CIAO1: variants seen among roughly 807,000 people sequenced by gnomAD.
CIAO1 encodes cytosolic iron-sulfur assembly component 1, also known as probable cytosolic iron-sulfur protein assembly protein CIAO1.
In CIAO1, 32 loss-of-function variants were observed where a neutral mutation model predicts 43.1. That is an observed-to-expected ratio of 0.74 (90% CI 0.56 to 1.00). The LOEUF (loss-of-function observed/expected upper bound fraction) is 1.00, where lower values mean the gene tolerates loss of function less well. Ranked by LOEUF, CIAO1 falls within the 50% of genes least tolerant of loss-of-function variation. CIAO1 has a pLI of 0.00. For missense variants in CIAO1, 415 were observed against 437.4 expected, an observed-to-expected ratio of 0.95 and a Z score of 0.46; for synonymous variants, 183 against 171.4, an observed-to-expected ratio of 1.07 and a Z score of -0.53.
In CIAO1 at chr2:96,271,870, A is replaced by AG. The variant is rs1684558030; in HGVS notation, c.*523dup. The AG allele has an allele frequency of 6.4e-6, 1 of 155,160 alleles. No homozygotes were observed. Among genetic ancestry groups the AG allele is most frequent in the Admixed American group, 6.3e-5 (1 of 15,854 alleles). The allele number at this position is 155,160 out of a possible 1,614,324, so 9.6% of individuals were successfully genotyped here. A position where few individuals can be genotyped will look rare whatever the true frequency, so the allele number is the denominator to read the frequency against. ...TTTTTTCTGAATGTAGGTTTGAGTGAGGGGCACCTCTGCTTTCCCTTAGCA... is the reference window on the plus strand; with the variant it reads ...TTTTTTCTGAATGTAGGTTTGAGTGAGGGGGCACCTCTGCTTTCCCTTAGCA... On this transcript the variant is annotated 3_prime_UTR_variant, in exon 7 of 7. Coordinates refer to ENST00000488633, the MANE Select transcript of CIAO1 (RefSeq NM_004804.3).
At position 96,272,777 on chromosome 2, in the gene CIAO1, T is replaced by C. The variant is rs1043833775; in HGVS notation, c.*1426T>C. 3 of 152,002 alleles carry C rather than the reference T, an allele frequency of 2.0e-5. No homozygotes were observed. The highest frequency in any genetic ancestry group is 4.4e-5 in the Non-Finnish European group (3 of 68,028). The allele number at this position is 152,002 out of a possible 1,614,324, so 9.4% of individuals were successfully genotyped here. A position where few individuals can be genotyped will look rare whatever the true frequency, so the allele number is the denominator to read the frequency against. The stretch of plus-strand genomic sequence containing the variant: ...GTGAGCCGAGATCATACCATTGCAC[T>C]CCAGCCCAGGCAACAAGAGTGAAAC... On this transcript the variant is annotated 3_prime_UTR_variant, in exon 7 of 7. Coordinates refer to ENST00000488633, the MANE Select transcript of CIAO1 (RefSeq NM_004804.3).
chr2:96,267,462 A>T lies in CIAO1; in HGVS notation c.281A>T (p.Asp94Val). Residue 94 changes from aspartate to valine, a missense_variant, in exon 2 of 7, where the codon GAC becomes GTC. Transcript: ENST00000488633. ...TGCATTTGGAAGAAGAACCAGGATG[A>T]CTTTGAGGTACCCAGGCTGGTTGGG... ...TTCIWKKNQDDFECVTTLEGH... is the reference protein window; with the variant it reads ...TTCIWKKNQDVFECVTTLEGH... 6.2e-7 allele frequency: 1 copy of T among 1,614,094 alleles called. No homozygotes were observed. The highest frequency in any genetic ancestry group is 1.7e-5 in the Admixed American group (1 of 60,024).
Position 96,269,452 on chromosome 2 carries a change from T to C in CIAO1, c.779+97T>C. 5 of 1,186,310 alleles carry C rather than the reference T, an allele frequency of 4.2e-6. No individual in the cohort carries two copies. In the South Asian group the frequency reaches 5.0e-5, roughly 12 times the overall value. 73.5% of individuals were successfully genotyped at this position (1,186,310 alleles called of 1,614,324 possible). ...GTCCTCTGCAACCCTGGGGGAGTGCTTGGGAATTGAGGGCAGCCACCCCCA... is the reference window on the plus strand; with the variant it reads ...GTCCTCTGCAACCCTGGGGGAGTGCCTGGGAATTGAGGGCAGCCACCCCCA... On this transcript the variant is annotated intron_variant, in intron 6 of 6. Coordinates refer to ENST00000488633, the MANE Select transcript of CIAO1 (RefSeq NM_004804.3).
In CIAO1 at chr2:96,273,662, CAAAAAAAAAA is replaced by C. The variant is rs57198918; in HGVS notation, c.*2326_*2335del. Among the ~76,000 whole-genome samples, 12 of 55,994 alleles carry C rather than the reference CAAAAAAAAAA, an allele frequency of 2.1e-4. No homozygotes were observed. In the South Asian group the frequency reaches 3.7e-3, roughly 17 times the overall value. The allele number at this position is 55,994 out of a possible 152,430, so 36.7% of individuals were successfully genotyped here. On this transcript the variant is annotated 3_prime_UTR_variant, in exon 7 of 7. Transcript: ENST00000488633. ...TGGGTGACAGAGCGAGACTCCATTT[CAAAAAAAAAA>C]AAAAAAAAAAAAAATCACTTGTAGT...
At chr2:96,270,704 G>A (rs527996195) in intron 6 of CIAO1, among the ~76,000 whole-genome samples, 4 of 146,308 alleles carry the variant, frequency 2.7e-5, no homozygotes, top group South Asian at 4.4e-4. Flanking sequence ...CAGCTACTCA[G>A]GAGGCTGAGG....
At chr2:96,269,687 G>T (rs1310289639) in intron 6 of CIAO1, among the ~76,000 whole-genome samples, 6 of 152,124 alleles carry the variant, frequency 3.9e-5, no homozygotes, top group South Asian at 2.1e-4. Context: ...TCACTCTGCA[G>T]CCCAGGCTGG....
Position 96,272,618 on chromosome 2 carries a change from C to G in CIAO1, c.*1267C>G, listed in dbSNP as rs1282721748. 2 of 152,218 alleles carry G rather than the reference C, an allele frequency of 1.3e-5. No individual in the cohort carries two copies. The highest frequency in any genetic ancestry group is 1.9e-4 in the East Asian group (1 of 5,204). The allele number at this position is 152,218 out of a possible 1,614,324, so 9.4% of individuals were successfully genotyped here. A position where few individuals can be genotyped will look rare whatever the true frequency, so the allele number is the denominator to read the frequency against. On this transcript the variant is annotated 3_prime_UTR_variant, in exon 7 of 7. Transcript: ENST00000488633. ...CTGAGGTCGGGAGTTCGAGGCCAGC[C>G]TGACCAACATGGAGAAACCCCGTCT...
At chr2:96,268,245 G>A (rs902356940) in intron 4 of CIAO1, among the ~76,000 whole-genome samples, 11 of 152,172 alleles carry the variant, frequency 7.2e-5, no homozygotes, top group African/African-American at 2.4e-4. Flanking sequence ...CCAGCTATTC[G>A]GGAGGCTGAG....
In CIAO1 at chr2:96,268,447, C is replaced by A; in HGVS notation, c.490-10C>A. 1 of 1,613,926 alleles carries A rather than the reference C, an allele frequency of 6.2e-7. No individual in the cohort carries two copies. Among genetic ancestry groups the A allele is most frequent in the South Asian group, 1.1e-5 (1 of 91,046 alleles). On this transcript the variant is annotated splice_polypyrimidine_tract_variant and intron_variant, in intron 4 of 6. Transcript: ENST00000488633. The stretch of plus-strand genomic sequence containing the variant: ...GACACATGTTGGGTTTCCTTTCACT[C>A]TTCCCCCAGCTCTTAGCTTCTGCCA...
Position 96,267,838 on chromosome 2 carries a change from G to A in CIAO1, c.403G>A (p.Asp135Asn). 6.2e-7 allele frequency: 1 copy of A among 1,614,070 alleles called. No homozygotes were observed. The highest frequency in any genetic ancestry group is 8.5e-7 in the Non-Finnish European group (1 of 1,179,968). The change falls in exon 4 of 7, where the codon GAT (aspartate) becomes AAT (asparagine). Residue 135 changes from aspartate (D) to asparagine (N), a missense_variant and splice_region_variant. By Grantham distance (23) the Asp-to-Asn change is conservative. Transcript: ENST00000488633. ...GGTCCCCTTTTTCTCTCCCACAGTT[G>A]ATGAAGAGGATGAGTATGAATGTGT... ...RDKSVWVWEV[D>N]EEDEYECVSV...
chr2:96,269,619 G>A (rs1255107520), intron 6 of CIAO1, among the ~76,000 whole-genome samples: 1 of 152,144 alleles, frequency 6.6e-6, no homozygotes. Flanking sequence ...AGTTATTATT[G>A]AATCTGCATT....
In CIAO1 at chr2:96,271,081, G is replaced by A. The variant is rs987285366; in HGVS notation, c.780-30G>A. 3.1e-6 allele frequency: 5 copies of A among 1,613,698 alleles called. No individual in the cohort carries two copies. The Admixed American group carries it at 5.0e-5, about 16-fold the overall frequency. ...AGGTCTCTCTGGCCTAATTAGTCAGGTATACCCACTGATGTCACTTTCCTT... is the reference window on the plus strand; with the variant it reads ...AGGTCTCTCTGGCCTAATTAGTCAGATATACCCACTGATGTCACTTTCCTT... On this transcript the variant is annotated intron_variant, in intron 6 of 6. Transcript: ENST00000488633.
In CIAO1 at chr2:96,267,632, C is replaced by A; in HGVS notation, c.296C>A (p.Thr99Asn). The change falls in exon 3 of 7, where the codon ACC (threonine) becomes AAC (asparagine). Residue 99 changes from threonine (T) to asparagine (N), a missense_variant. Coordinates refer to ENST00000488633, the MANE Select transcript of CIAO1 (RefSeq NM_004804.3). ...KKNQDDFECV[T>N]TLEGHENEVK... is the part of the protein sequence containing the mutation. ...TTCTTTCCCCTTTCACAGTGTGTAACCACTCTCGAGGGCCATGAAAATGAG... is the reference window on the plus strand; with the variant it reads ...TTCTTTCCCCTTTCACAGTGTGTAAACACTCTCGAGGGCCATGAAAATGAG... 6.2e-7 allele frequency: 1 copy of A among 1,614,106 alleles called. No individual in the cohort carries two copies. Among genetic ancestry groups the A allele is most frequent in the Non-Finnish European group, 8.5e-7 (1 of 1,179,966 alleles).
intron 1 of CIAO1, 56 bp downstream of exon 1, chr2:96,266,545 GTGCAGGCGCTCAGCCT>G (rs1243107801): frequency 7.4e-7 from 1 of 1,347,136 alleles, no homozygotes; most frequent in African/African-American, 1.5e-5. Flanking sequence ...CCTGCGCGTA[GTGCAGGCGCTCAGCCT>G]GCAGGGGAGG....
intron 1 of CIAO1, among the ~76,000 whole-genome samples, chr2:96,266,742 G>A (rs1281691620): frequency 6.6e-6 from 1 of 152,238 alleles, no homozygotes; most frequent in East Asian, 1.9e-4. Context: ...GAGGTGTTAG[G>A]AAAGTGGCCT....
chr2:96,266,432 G>T lies in CIAO1; in HGVS notation c.82G>T (p.Gly28Trp). ...CTGGTTCCTGGCCTGGAACCCCGCG[G>T]GGACCCTGCTGGCCTCGTGCGGCGG... is the stretch of plus-strand genomic sequence containing the variant. ...RCWFLAWNPA[G>W]TLLASCGGDR... is the part of the protein sequence containing the mutation. The change falls in exon 1 of 7, where the codon GGG becomes TGG. Residue 28 changes from glycine to tryptophan, a missense_variant. Transcript: ENST00000488633. 6.4e-7 allele frequency: 1 copy of T among 1,564,308 alleles called. No homozygotes were observed.
rs1684573241 is a variant in CIAO1 at position 96,272,571 on chromosome 2, GA to G, written c.*1221del. The G allele has an allele frequency of 6.6e-6, 1 of 152,304 alleles. No individual in the cohort carries two copies. Among genetic ancestry groups the G allele is most frequent in the African/African-American group, 2.4e-5 (1 of 41,456 alleles). 9.4% of individuals were successfully genotyped at this position (152,304 alleles called of 1,614,324 possible). On this transcript the variant is annotated 3_prime_UTR_variant, in exon 7 of 7. Coordinates refer to ENST00000488633, the MANE Select transcript of CIAO1 (RefSeq NM_004804.3). ...CATGCCTGTAATCCCAGCACTTTGGGAGGCTGAGGCGGGCGGATCACCTGAG... is the reference window on the plus strand; with the variant it reads ...CATGCCTGTAATCCCAGCACTTTGGGGGCTGAGGCGGGCGGATCACCTGAG...
In CIAO1 at chr2:96,266,418, C is replaced by G. The variant is rs764724164; in HGVS notation, c.68C>G (p.Ala23Gly). Residue 23 changes from alanine to glycine, a missense_variant, in exon 1 of 7, where the codon GCC (alanine) becomes GGC (glycine). Physicochemically the swap from Ala to Gly is moderately conservative, Grantham distance 60. Transcript: ENST00000488633. ...AHPDSRCWFL[A>G]WNPAGTLLAS... Reference sequence around the variant, plus strand: ...CCGGACTCCCGCTGCTGGTTCCTGGCCTGGAACCCCGCGGGGACCCTGCTG... The same window carrying G: ...CCGGACTCCCGCTGCTGGTTCCTGGGCTGGAACCCCGCGGGGACCCTGCTG... The G allele has an allele frequency of 1.3e-5, 21 of 1,557,230 alleles. No individual in the cohort carries two copies. In the East Asian group the frequency reaches 3.7e-4, roughly 27 times the overall value.
chr2:96,270,647 T>C (rs2104319289), intron 6 of CIAO1, among the ~76,000 whole-genome samples: 1 of 151,660 alleles, frequency 6.6e-6, no homozygotes, highest in East Asian at 1.9e-4. Flanking sequence ...CTGTCTCTAC[T>C]GAAAATACAA....
Sources: gnomAD v4.1 joint callset for allele counts (sites outside exome capture counted in the v4.1 genomes callset) on GRCh38, gnomAD v4.1.1 for gene constraint, MANE v1.5 for transcripts, NCBI Gene and HGNC (gene_info 2026-07-23, HGNC 2026-07-21) for gene names.